FXYD7: variants seen among roughly 807,000 people sequenced by gnomAD.
FXYD7 encodes the protein FXYD domain-containing ion transport regulator 7.
Under a neutral mutation model 15.3 loss-of-function variants are expected in FXYD7, and 7 were observed. The ratio of observed to expected loss-of-function variants is 0.46; its 90% CI spans 0.26 to 0.86. The LOEUF is 0.86. Among genes scored for constraint, FXYD7 ranks in the 40% least tolerant of loss-of-function variants. The pLI, the probability that FXYD7 is intolerant of heterozygous loss-of-function variation, is 0.16. For missense variants in FXYD7, 78 were observed against 100.6 expected, an observed-to-expected ratio of 0.78 and a Z score of 0.96; for synonymous variants, 39 against 39.3, an observed-to-expected ratio of 0.99 and a Z score of 0.03.
rs146653348 is a variant in FXYD7, at chr19:35,146,806, A to G, written c.32-1888A>G. On this transcript the variant is annotated intron_variant, in intron 1 of 5. Transcript: ENST00000270310. ...GGTTGGAAGGTGGTAAAGATACCTC[A>G]GCACCAACCTAAGCCATCCTCTTTG... Among the ~76,000 whole-genome samples, 538 of 152,356 alleles carry G rather than the reference A, an allele frequency of 3.5e-3. 3 individuals are homozygous for G. The highest frequency in any genetic ancestry group is 0.012 in the African/African-American group (505 of 41,580).
chr19:35,149,398 T>G (rs1044148416), intron 2 of FXYD7: 2 of 246,538 alleles, frequency 8.1e-6, no homozygotes, highest in Admixed American at 9.4e-5. Flanking sequence ...GGCTCCCCCT[T>G]ATTCAGGCCT....
chr19:35,148,651 A>G, intron 1 of FXYD7, 43 bp from the exon 2 acceptor site: 1 of 1,458,092 alleles, frequency 6.9e-7, no homozygotes, highest in African/African-American at 1.4e-5. Flanking sequence ...TACACTGTTA[A>G]GTTTTTTTTT....
At chr19:35,144,567 G>C (rs1303495416) in intron 1 of FXYD7, among the ~76,000 whole-genome samples, 24 of 151,240 alleles carry the variant, frequency 1.6e-4, no homozygotes, top group Non-Finnish European at 7.4e-5. Flanking sequence ...CACTTGGATG[G>C]CTCCCTCCCT....
rs1172503936 is a variant in FXYD7, at chr19:35,143,657, C to T, written c.31+293C>T. On this transcript the variant is annotated intron_variant, in intron 1 of 5. Coordinates refer to ENST00000270310, the MANE Select transcript of FXYD7 (RefSeq NM_022006.2). This position sits in a 1 kb window ranked among gnomAD's most constrained non-coding sequence, Gnocchi z 4.3. ...GGCAACCGGGTGGCTGGTCCCGCAC[C>T]GTGGTGGTAGCAGACGGGGAAGAGA... 6.9e-6 allele frequency among the ~76,000 whole-genome samples: 1 copy of T among 144,006 alleles called. No individual in the cohort carries two copies. Among genetic ancestry groups the T allele is most frequent in the Admixed American group, 6.8e-5 (1 of 14,644 alleles). The allele number at this position is 144,006 out of a possible 152,430, so 94.5% of individuals were successfully genotyped here.
chr19:35,143,402 C>T lies in FXYD7; in HGVS notation c.31+38C>T. The T allele has an allele frequency of 2.0e-6, 3 of 1,464,628 alleles. No individual in the cohort carries two copies. The highest frequency in any genetic ancestry group is 2.7e-6 in the Non-Finnish European group (3 of 1,097,334). 90.7% of individuals were successfully genotyped at this position (1,464,628 alleles called of 1,614,324 possible). A position where few individuals can be genotyped will look rare whatever the true frequency, so the allele number is the denominator to read the frequency against. ...TGGGGAGGGGGTTGCAGGGGGGCTCCGGGATCTGAGAGCCTAGGAGAGAGG... is the reference window on the plus strand; with the variant it reads ...TGGGGAGGGGGTTGCAGGGGGGCTCTGGGATCTGAGAGCCTAGGAGAGAGG... On this transcript the variant is annotated intron_variant, in intron 1 of 5. Transcript: ENST00000270310. The surrounding 1 kb of genome is among the most constrained non-coding windows in gnomAD (Gnocchi z 4.3).
intron 5 of FXYD7, among the ~76,000 whole-genome samples, chr19:35,153,508 C>T (rs2065324255): frequency 6.6e-6 from 1 of 152,042 alleles, no homozygotes; most frequent in Non-Finnish European, 1.5e-5. Flanking sequence ...TGGTCTGCAG[C>T]GGGTGGGGAA....
chr19:35,152,806 TGATC>T (rs1193633077), intron 5 of FXYD7, among the ~76,000 whole-genome samples: 1 of 151,862 alleles, frequency 6.6e-6, no homozygotes, highest in African/African-American at 2.4e-5. Context: ...AACGAAAGAC[TGATC>T]TCTTTGAGGC....
At chr19:35,147,537 C>T (rs2065292716) in intron 1 of FXYD7, among the ~76,000 whole-genome samples, 1 of 152,196 alleles carries the variant, frequency 6.6e-6, no homozygotes, top group Admixed American at 6.5e-5. Context: ...GACACACACA[C>T]ATTTTATCCA....
intron 1 of FXYD7, among the ~76,000 whole-genome samples, chr19:35,148,030 A>G (rs868276560): frequency 3.2e-4 from 5 of 15,674 alleles, no homozygotes; most frequent in Middle Eastern, 0.024. Flanking sequence ...AAAGAAGGAA[A>G]GAAAGAAAGA....
Position 35,143,374 on chromosome 19 carries a change from G to GT in FXYD7, c.31+13dup. 1.3e-6 allele frequency: 2 copies of GT among 1,510,804 alleles called. No homozygotes were observed. Among genetic ancestry groups the GT allele is most frequent in the Non-Finnish European group, 1.8e-6 (2 of 1,131,216 alleles). The allele number at this position is 1,510,804 out of a possible 1,614,324, so 93.6% of individuals were successfully genotyped here. On this transcript the variant is annotated intron_variant, in intron 1 of 5. Coordinates refer to ENST00000270310, the MANE Select transcript of FXYD7 (RefSeq NM_022006.2). The surrounding 1 kb of genome is among the most constrained non-coding windows in gnomAD (Gnocchi z 4.3). ...CAGACCCCCACAAAGGGTGAGCGTC[G>GT]TTTGGGGAGGGGGTTGCAGGGGGGC...
rs369101748 is a variant in FXYD7 at position 35,151,963 on chromosome 19, A to C, written c.220+290A>C. On this transcript the variant is annotated intron_variant, in intron 5 of 5. Coordinates refer to ENST00000270310, the MANE Select transcript of FXYD7 (RefSeq NM_022006.2). ...AGATCAGCCCGGCCAACATGGTGAAACACCGTCTCTGCTAAAAATGCAAAA... is the reference window on the plus strand; with the variant it reads ...AGATCAGCCCGGCCAACATGGTGAACCACCGTCTCTGCTAAAAATGCAAAA... Among the ~76,000 whole-genome samples the C allele has an allele frequency of 8.2e-4, 125 of 151,760 alleles. 2 individuals carry two copies. The South Asian group carries it at 9.8e-3, about 12-fold the overall frequency.
chr19:35,143,325 C>T lies in FXYD7; in HGVS notation c.-9C>T, dbSNP rs2065275734. The stretch of plus-strand genomic sequence containing the variant: ...CAAAGCATCCAGCAGCCCCCTGCTC[C>T]GGCCCAGCATGGCGACCCCGACCCA... On this transcript the variant is annotated 5_prime_UTR_variant, in exon 1 of 6. Transcript: ENST00000270310. This position sits in a 1 kb window ranked among gnomAD's most constrained non-coding sequence, Gnocchi z 4.3. The T allele has an allele frequency of 6.5e-7, 1 of 1,536,298 alleles. No homozygotes were observed. Among genetic ancestry groups the T allele is most frequent in the Non-Finnish European group, 8.8e-7 (1 of 1,141,270 alleles).
At chr19:35,152,846 A>T (rs2516281) in intron 5 of FXYD7, among the ~76,000 whole-genome samples, 111,182 of 150,874 alleles carry the variant, frequency 0.74, 41,339 homozygotes, top group African/African-American at 0.84. Flanking sequence ...TGTAAAAATA[A>T]CTTGACCTGT....
Position 35,154,051 on chromosome 19 carries a change from A to G in FXYD7, c.*135A>G. The G allele has an allele frequency of 1.3e-6, 1 of 759,590 alleles. No homozygotes were observed. Among genetic ancestry groups the G allele is most frequent in the Non-Finnish European group, 2.2e-6 (1 of 455,360 alleles). The allele number at this position is 759,590 out of a possible 1,614,324, so 47.1% of individuals were successfully genotyped here. A position where few individuals can be genotyped will look rare whatever the true frequency, so the allele number is the denominator to read the frequency against. On this transcript the variant is annotated 3_prime_UTR_variant, in exon 6 of 6. Transcript: ENST00000270310. ...GCCGCCCCACCCACCCCAAGGCTGG[A>G]GCCGCTGCACCCTGCTGTCCCTCTC... is the stretch of plus-strand genomic sequence containing the variant.
rs71167517 is a variant in FXYD7, at chr19:35,152,134, C to CAAAAAAAAAAAAAAAAAAA, written c.220+464_220+482dup. Among the ~76,000 whole-genome samples, 91 of 45,128 alleles carry CAAAAAAAAAAAAAAAAAAA rather than the reference C, an allele frequency of 2.0e-3. 5 individuals carry two copies. Among genetic ancestry groups the CAAAAAAAAAAAAAAAAAAA allele is most frequent in the African/African-American group, 4.9e-3 (56 of 11,510 alleles). 29.6% of individuals were successfully genotyped at this position (45,128 alleles called of 152,430 possible). ...AGCCTGGGTGATAGAGTGAGACTGT[C>CAAAAAAAAAAAAAAAAAAA]AAAAAAAAAAAAAAAAAAAAAGAGG... On this transcript the variant is annotated intron_variant, in intron 5 of 5. Coordinates refer to ENST00000270310, the MANE Select transcript of FXYD7 (RefSeq NM_022006.2).
chr19:35,150,750 A>G (rs1007638501), intron 2 of FXYD7, among the ~76,000 whole-genome samples: 3 of 152,074 alleles, frequency 2.0e-5, no homozygotes, highest in Admixed American at 6.6e-5. Context: ...AAGGAACTGG[A>G]TCATATGGGA....
intron 1 of FXYD7, among the ~76,000 whole-genome samples, chr19:35,146,312 T>C (rs1266377373): frequency 1.3e-5 from 2 of 152,158 alleles, no homozygotes; most frequent in Non-Finnish European, 2.9e-5. Context: ...CTAATTTTTG[T>C]ATTGTTAGTA....
At chr19:35,150,766 A>G (rs1375658531) in intron 2 of FXYD7, among the ~76,000 whole-genome samples, 1 of 152,086 alleles carries the variant, frequency 6.6e-6, no homozygotes, top group African/African-American at 2.4e-5. Context: ...TGGGACTTTG[A>G]GGGCCCTAGT....
chr19:35,149,681 A>G (rs1406141004), intron 2 of FXYD7: 1 of 152,928 alleles, frequency 6.5e-6, no homozygotes, highest in African/African-American at 2.4e-5. Flanking sequence ...AGACACTGCA[A>G]TGAACCACAC....
Sources: gnomAD v4.1 joint callset for allele counts (sites outside exome capture counted in the v4.1 genomes callset) on GRCh38, gnomAD v4.1.1 for gene constraint, Gnocchi (gnomAD v3.1) non-coding constraint, MANE v1.5 for transcripts, NCBI Gene and HGNC (gene_info 2026-07-23, HGNC 2026-07-21) for gene names.